The following PCCA variants were observed in gnomAD, a reference collection of about 807,000 sequenced individuals.
PCCA encodes the protein propionyl-CoA carboxylase subunit alpha.
Under a neutral mutation model 101.3 loss-of-function variants are expected in PCCA, and 74 were observed. The observed-to-expected ratio is 0.73, with a 90% CI of 0.61 to 0.89. The LOEUF (loss-of-function observed/expected upper bound fraction) is 0.89, where lower values mean the gene tolerates loss of function less well. PCCA is among the 40% of genes least tolerant of loss of function. The pLI is 0.00. For missense variants in PCCA, 891 were observed against 907.0 expected, an observed-to-expected ratio of 0.98 and a Z score of 0.23; for synonymous variants, 294 against 313.6, an observed-to-expected ratio of 0.94 and a Z score of 0.66.
Position 100,462,025 on chromosome 13 carries a change from G to A in PCCA, c.1899+12720G>A, listed in dbSNP as rs188685299. On this transcript the variant is annotated intron_variant, in intron 21 of 23. Coordinates refer to ENST00000376285, the MANE Select transcript of PCCA (RefSeq NM_000282.4). ...GTGGCGGTCACAGAGCAGACACTTT[G>A]TGGAGGGGTGATGAAGTTTTCTGAT... 4.8e-3 allele frequency among the ~76,000 whole-genome samples: 725 copies of A among 152,252 alleles called. 9 individuals carry two copies. Among genetic ancestry groups the A allele is most frequent in the African/African-American group, 0.017 (709 of 41,556 alleles).
intron 19 of PCCA, among the ~76,000 whole-genome samples, chr13:100,404,184 G>C (rs2783217): frequency 0.13 from 20,276 of 152,152 alleles, 4,401 homozygotes; most frequent in African/African-American, 0.45. Context: ...TGTATCAAAA[G>C]GAAACCAGAG....
At position 100,163,004 on chromosome 13, in the gene PCCA, T is replaced by G. The variant is rs1365657369; in HGVS notation, c.468+5664T>G. Among the ~76,000 whole-genome samples the G allele has an allele frequency of 2.0e-5, 3 of 152,216 alleles. No individual in the cohort carries two copies. The East Asian group carries it at 5.8e-4, about 29-fold the overall frequency. ...AACGTTTCCTTTCCTATATGTTGGC[T>G]TAAGGTCAGCTTTTAGAATATTTGA... On this transcript the variant is annotated intron_variant, in intron 6 of 23. Transcript: ENST00000376285.
chr13:100,152,634 A>G (rs1398871108), intron 4 of PCCA, among the ~76,000 whole-genome samples: 4 of 151,708 alleles, frequency 2.6e-5, no homozygotes, highest in Non-Finnish European at 5.9e-5. Context: ...TTTTAGTAGA[A>G]ACGGGGTTTC....
chr13:100,359,118 G>GAA (rs2074289206), intron 18 of PCCA, among the ~76,000 whole-genome samples: 2 of 138,194 alleles, frequency 1.4e-5, no homozygotes, highest in East Asian at 2.1e-4. Context: ...AAAAGAAAAA[G>GAA]AAAAGAAAAA....
At chr13:100,411,590 A>G (rs965816715) in intron 19 of PCCA, among the ~76,000 whole-genome samples, 4 of 152,234 alleles carry the variant, frequency 2.6e-5, no homozygotes, top group African/African-American at 9.6e-5. Flanking sequence ...GCTATAATAA[A>G]TATACCGTAG....
chr13:100,152,499 T>G (rs1040215624), intron 4 of PCCA, among the ~76,000 whole-genome samples: 1 of 152,114 alleles, frequency 6.6e-6, no homozygotes, highest in African/African-American at 2.4e-5. Context: ...CAGGCTGGAG[T>G]GCAGTGGCGC....
intron 18 of PCCA, among the ~76,000 whole-genome samples, chr13:100,349,142 A>T (rs1283781694): frequency 2.0e-5 from 3 of 146,558 alleles, no homozygotes; most frequent in African/African-American, 7.7e-5. Context: ...GTTTGTTTTG[A>T]GACGGAGTTT....
intron 21 of PCCA, among the ~76,000 whole-genome samples, chr13:100,462,450 A>G (rs115822145): frequency 0.011 from 1,680 of 152,286 alleles, 25 homozygotes; most frequent in African/African-American, 0.038. Flanking sequence ...TGGCTGGTGA[A>G]GACAGACAAA....
rs765949778 is a variant in PCCA at position 100,309,841 on chromosome 13, A to G, written c.1362A>G (p.Thr454=). ...YYDPMISKLI[T]YGSDRTEALK... is the part of the protein sequence containing the mutation. The stretch of plus-strand genomic sequence containing the variant: ...TGTTTGCTTGTTTTTAGCTAATCAC[A>G]TATGGCTCTGATAGAACTGAGGCAC... Residue 454 remains threonine, a synonymous_variant, in exon 16 of 24, where the codon ACA becomes ACG. Transcript: ENST00000376285. The G allele has an allele frequency of 2.5e-6, 4 of 1,611,156 alleles. No homozygotes were observed. In the South Asian group the frequency reaches 3.3e-5, roughly 13 times the overall value.
At chr13:100,452,888 A>C (rs567862147) in intron 21 of PCCA, among the ~76,000 whole-genome samples, 22 of 152,162 alleles carry the variant, frequency 1.4e-4, no homozygotes, top group Admixed American at 1.0e-3. Context: ...CCTGAGTGTT[A>C]GACTTGAAAA....
At chr13:100,190,593 T>A (rs1193623754) in intron 6 of PCCA, among the ~76,000 whole-genome samples, 1 of 152,076 alleles carries the variant, frequency 6.6e-6, no homozygotes, top group East Asian at 1.9e-4. Flanking sequence ...GAGAACTGCT[T>A]GAACCTGGGA....
chr13:100,323,301 T>C (rs1377429311), intron 16 of PCCA, among the ~76,000 whole-genome samples: 1 of 152,170 alleles, frequency 6.6e-6, no homozygotes, highest in Non-Finnish European at 1.5e-5. Context: ...TAAACTCAGA[T>C]TTCAGGAGCT....
chr13:100,328,180 T>C (rs1055124222), intron 16 of PCCA, among the ~76,000 whole-genome samples: 4 of 151,848 alleles, frequency 2.6e-5, no homozygotes, highest in African/African-American at 9.7e-5. Flanking sequence ...CTGGCCAACA[T>C]GATGAAACCC....
At chr13:100,237,365 C>G (rs1337025869) in intron 8 of PCCA, 3 of 152,068 alleles carry the variant, frequency 2.0e-5, no homozygotes, top group African/African-American at 7.2e-5. Context: ...AAGACCAGAC[C>G]ATAGAAAATC....
At position 100,373,507 on chromosome 13, in the gene PCCA, A is replaced by G. The variant is rs553537147; in HGVS notation, c.1746+4933A>G. 2.6e-5 allele frequency among the ~76,000 whole-genome samples: 4 copies of G among 152,320 alleles called. No homozygotes were observed. The South Asian group carries it at 8.3e-4, about 32-fold the overall frequency. On this transcript the variant is annotated intron_variant, in intron 19 of 23. Coordinates refer to ENST00000376285, the MANE Select transcript of PCCA (RefSeq NM_000282.4). ...TTATAAGCCAGGCGCAAAAGGACAA[A>G]TACTGTACGATTCCACTTATATGAG...
chr13:100,238,923 A>C (rs1268754819), intron 8 of PCCA, among the ~76,000 whole-genome samples: 1 of 152,164 alleles, frequency 6.6e-6, no homozygotes, highest in Non-Finnish European at 1.5e-5. Context: ...TTGATTGTCC[A>C]TGTGTTATAC....
At chr13:100,492,244 C>G (rs902116605) in intron 21 of PCCA, among the ~76,000 whole-genome samples, 1 of 152,104 alleles carries the variant, frequency 6.6e-6, no homozygotes, top group Non-Finnish European at 1.5e-5. Flanking sequence ...ACGCCATTCT[C>G]CTGCCCCTGC....
At chr13:100,484,564 G>C (rs529038698) in intron 21 of PCCA, among the ~76,000 whole-genome samples, 2 of 152,264 alleles carry the variant, frequency 1.3e-5, no homozygotes, top group South Asian at 4.2e-4. Flanking sequence ...GTTACAGAAA[G>C]AGCATTAGAG....
At position 100,107,752 on chromosome 13, in the gene PCCA, G is replaced by C. The variant is rs114959257; in HGVS notation, c.184-4089G>C. Among the ~76,000 whole-genome samples, 4 of 152,106 alleles carry C rather than the reference G, an allele frequency of 2.6e-5. No homozygotes were observed. The South Asian group carries it at 8.3e-4, about 32-fold the overall frequency. ...CGGAGATATTATCAGAACTGACTTC[G>C]TGGGATTATTATGCTAAATATTGTC... On this transcript the variant is annotated intron_variant, in intron 2 of 23. Coordinates refer to ENST00000376285, the MANE Select transcript of PCCA (RefSeq NM_000282.4).
Sources: gnomAD v4.1 joint callset for allele counts (sites outside exome capture counted in the v4.1 genomes callset) on GRCh38, gnomAD v4.1.1 for gene constraint, MANE v1.5 for transcripts, NCBI Gene and HGNC (gene_info 2026-07-23, HGNC 2026-07-21) for gene names.